FAT3: variants seen among roughly 807,000 people sequenced by gnomAD.
The protein encoded by FAT3 is protocadherin Fat 3.
A neutral mutation model predicts 310.2 loss-of-function variants in FAT3; 95 were observed. The ratio of observed to expected loss-of-function variants is 0.31; its 90% CI spans 0.26 to 0.36. The LOEUF (loss-of-function observed/expected upper bound fraction) is 0.36. FAT3 is among the 10% of genes least tolerant of loss of function. FAT3 has a pLI of 1.00. For missense variants in FAT3, 5,408 were observed against 5,715.6 expected (o/e 0.95, Z 1.74); for synonymous variants, 2,314 against 2,192.9 (o/e 1.06, Z -1.54).
rs534176665 is a variant in FAT3, at chr11:92,459,867, A to G, written c.3293-64767A>G. Among the ~76,000 whole-genome samples, 11 of 152,248 alleles carry G rather than the reference A, an allele frequency of 7.2e-5. No individual in the cohort carries two copies. The South Asian group carries it at 1.9e-3, about 26-fold the overall frequency. On this transcript the variant is annotated intron_variant, in intron 2 of 27. Coordinates refer to ENST00000525166, the MANE Select transcript of FAT3 (RefSeq NM_001367949.2). ...GTATTTTTGCATTGTTTCAAATGCT[A>G]GTTGATCTTTAACTTTGCATGCCTT... is the stretch of plus-strand genomic sequence containing the variant.
rs770716249 is a variant in FAT3 at position 92,844,114 on chromosome 11, G to A, written c.10747G>A (p.Val3583Met). 2 of 1,614,024 alleles carry A rather than the reference G, an allele frequency of 1.2e-6. No homozygotes were observed. Among genetic ancestry groups the A allele is most frequent in the Admixed American group, 3.3e-5 (2 of 60,030 alleles). The change falls in exon 19 of 28, where the codon GTG becomes ATG. Residue 3583 changes from valine (V) to methionine (M), a missense_variant. Coordinates refer to ENST00000525166, the MANE Select transcript of FAT3 (RefSeq NM_001367949.2). ...TGCCACAGATCAAGACATGTATGAT[G>A]TGCTCACATTTGCCCTGAAATCGGA... The part of the protein sequence containing the change: ...IHATDQDMYD[V>M]LTFALKSEQK...
chr11:92,745,073 T>C (rs1945617739), intron 4 of FAT3, among the ~76,000 whole-genome samples: 1 of 152,182 alleles, frequency 6.6e-6, no homozygotes, highest in African/African-American at 2.4e-5. Flanking sequence ...AGTTAGTGCT[T>C]AAATCCAAAT....
intron 3 of FAT3, among the ~76,000 whole-genome samples, chr11:92,563,037 G>GA (rs924669522): frequency 2.6e-5 from 4 of 152,094 alleles, no homozygotes; most frequent in Non-Finnish European, 4.4e-5. Context: ...CATATGAATT[G>GA]AAAAAAATTT....
chr11:92,367,181 C>G (rs967494442), intron 2 of FAT3: 1 of 339,566 alleles, frequency 2.9e-6, no homozygotes, highest in Non-Finnish European at 5.9e-6. Flanking sequence ...TTGTACCACC[C>G]ACTGAAGCAG....
At chr11:92,813,354 G>A (rs1947733475) in intron 13 of FAT3, among the ~76,000 whole-genome samples, 1 of 152,070 alleles carries the variant, frequency 6.6e-6, no homozygotes, top group Admixed American at 6.6e-5. Context: ...CCTTCACCCA[G>A]CCCTTCTCCC....
chr11:92,632,172 A>C (rs1228914863), intron 3 of FAT3, among the ~76,000 whole-genome samples: 1 of 152,336 alleles, frequency 6.6e-6, no homozygotes, highest in East Asian at 1.9e-4. Flanking sequence ...GACTTGTGGG[A>C]TAGTTTGCTG....
chr11:92,620,835 C>T (rs1425305457), intron 3 of FAT3, among the ~76,000 whole-genome samples: 1 of 152,096 alleles, frequency 6.6e-6, no homozygotes, highest in African/African-American at 2.4e-5. Flanking sequence ...CTGGAAGAGT[C>T]TGGGAATTCT....
At chr11:92,634,923 G>A (rs993640807) in intron 3 of FAT3, among the ~76,000 whole-genome samples, 5 of 152,144 alleles carry the variant, frequency 3.3e-5, no homozygotes, top group Admixed American at 1.3e-4. Context: ...ACCACACAGC[G>A]TTCTCTCTTT....
intron 2 of FAT3, among the ~76,000 whole-genome samples, chr11:92,427,935 A>C (rs1950672793): frequency 6.6e-6 from 1 of 152,108 alleles, no homozygotes; most frequent in South Asian, 2.1e-4. Flanking sequence ...ATAGTTTTAG[A>C]AGGAATGGTA....
chr11:92,268,302 A>G (rs942736739), intron 1 of FAT3, among the ~76,000 whole-genome samples: 1 of 151,980 alleles, frequency 6.6e-6, no homozygotes, highest in African/African-American at 2.4e-5. Flanking sequence ...CAATGCCCAT[A>G]CCTTTTCCAC....
intron 1 of FAT3, among the ~76,000 whole-genome samples, chr11:92,277,903 A>T (rs1946319606): frequency 6.6e-6 from 1 of 152,056 alleles, no homozygotes; most frequent in Admixed American, 6.5e-5. Flanking sequence ...CAACATGGCA[A>T]AACCCCACCT....
At chr11:92,489,740 T>C (rs1952545923) in intron 2 of FAT3, among the ~76,000 whole-genome samples, 1 of 152,078 alleles carries the variant, frequency 6.6e-6, no homozygotes, top group Admixed American at 6.6e-5. Context: ...AAGAAGGGTG[T>C]ATCCAGAACT....
At chr11:92,295,458 G>A (rs1946825572) in intron 1 of FAT3, among the ~76,000 whole-genome samples, 1 of 152,116 alleles carries the variant, frequency 6.6e-6, no homozygotes, top group Non-Finnish European at 1.5e-5. Context: ...GCTGTGCCGT[G>A]TCTGAATACA....
At chr11:92,264,229 G>A (rs2134315299) in intron 1 of FAT3, among the ~76,000 whole-genome samples, 1 of 152,170 alleles carries the variant, frequency 6.6e-6, no homozygotes, top group South Asian at 2.1e-4. Context: ...GACAAACTAA[G>A]AGACATGAAC....
chr11:92,310,784 T>A (rs1466881487), intron 1 of FAT3, among the ~76,000 whole-genome samples: 1 of 152,042 alleles, frequency 6.6e-6, no homozygotes, highest in East Asian at 1.9e-4. Flanking sequence ...TTATTTGACA[T>A]GCTAAGCATT....
chr11:92,440,412 G>T (rs181787892), intron 2 of FAT3, among the ~76,000 whole-genome samples: 1 of 152,330 alleles, frequency 6.6e-6, no homozygotes, highest in East Asian at 1.9e-4. Context: ...GAAAGCCACT[G>T]CCTGTAACTC....
chr11:92,369,708 A>G (rs1384980527), intron 2 of FAT3, among the ~76,000 whole-genome samples: 2 of 152,048 alleles, frequency 1.3e-5, no homozygotes, highest in Non-Finnish European at 2.9e-5. Context: ...TTAGCTAGGT[A>G]TGGTAGCACA....
rs1030149252 is a variant in FAT3 at position 92,314,310 on chromosome 11, C to A, written c.-17-37786C>A. On this transcript the variant is annotated intron_variant, in intron 1 of 27. Coordinates refer to ENST00000525166, the MANE Select transcript of FAT3 (RefSeq NM_001367949.2). ...ATGAGAACATGGAGATGTATTTCTT[C>A]AGGTATGCAACTTAAACAAATACAA... 7.1e-6 allele frequency: 7 copies of A among 980,004 alleles called. No homozygotes were observed. The African/African-American group carries it at 1.2e-4, about 17-fold the overall frequency. 60.7% of individuals were successfully genotyped at this position (980,004 alleles called of 1,614,324 possible).
rs148294559 is a variant in FAT3 at position 92,712,737 on chromosome 11, T to C, written c.3669+15292T>C. ...TTTTGCCCAGATATTTCCAAAGGCA[T>C]AAATGTGTAACTATAAATGCCTAAC... is the stretch of plus-strand genomic sequence containing the variant. On this transcript the variant is annotated intron_variant, in intron 4 of 27. Coordinates refer to ENST00000525166, the MANE Select transcript of FAT3 (RefSeq NM_001367949.2). 5.6e-3 allele frequency among the ~76,000 whole-genome samples: 849 copies of C among 152,326 alleles called. 30 individuals are homozygous for C. The highest frequency in any genetic ancestry group is 0.041 in the Admixed American group (632 of 15,296).
Sources: allele counts gnomAD v4.1 joint callset (sites outside exome capture counted in the v4.1 genomes callset), GRCh38; gene constraint gnomAD v4.1.1; transcripts MANE v1.5; gene names NCBI Gene and HGNC (gene_info 2026-07-23, HGNC 2026-07-21).